Variants in JAKMIP1 observed in about 807,000 individuals in gnomAD.
The protein encoded by JAKMIP1 is janus kinase and microtubule-interacting protein 1.
JAKMIP1 carries 33 observed loss-of-function variants against 113.0 expected under a neutral mutation model. The observed-to-expected ratio is 0.29, with a 90% CI of 0.22 to 0.39. The LOEUF (loss-of-function observed/expected upper bound fraction) is 0.39. Ranked by LOEUF, JAKMIP1 falls within the 10% of genes least tolerant of loss-of-function variation. JAKMIP1 has a pLI of 1.00. For synonymous variants in JAKMIP1, 480 were observed against 459.9 expected (o/e 1.04, Z -0.56); for missense variants, 813 against 1,080.5 (o/e 0.75, Z 3.47).
intron 3 of JAKMIP1, among the ~76,000 whole-genome samples, chr4:6,095,554 T>G (rs1439158595): frequency 6.6e-6 from 1 of 152,192 alleles, no homozygotes; most frequent in Non-Finnish European, 1.5e-5. Context: ...CTGTGTTCAC[T>G]TTCCCAAGTC....
intron 1 of JAKMIP1, among the ~76,000 whole-genome samples, chr4:6,172,830 C>A (rs909712589): frequency 6.6e-6 from 1 of 152,148 alleles, no homozygotes; most frequent in Non-Finnish European, 1.5e-5. Context: ...ACCACAAACA[C>A]TGACTGTGCA....
intron 13 of JAKMIP1, among the ~76,000 whole-genome samples, chr4:6,052,475 G>T (rs1190406668): frequency 1.3e-5 from 2 of 151,776 alleles, no homozygotes; most frequent in East Asian, 3.9e-4. Context: ...GGCGAAACCT[G>T]TGTCTACTAA....
chr4:6,048,698 C>T (rs572054177), intron 16 of JAKMIP1, among the ~76,000 whole-genome samples, 159 bp downstream of exon 16: 3 of 152,364 alleles, frequency 2.0e-5, no homozygotes, highest in East Asian at 1.9e-4. Context: ...TGTGGGACTT[C>T]CGTCATGAAG....
chr4:6,149,774 G>A (rs546197855), intron 1 of JAKMIP1, among the ~76,000 whole-genome samples: 4 of 152,042 alleles, frequency 2.6e-5, no homozygotes, highest in African/African-American at 2.4e-5. Flanking sequence ...CTTTGCTACC[G>A]GGCTGGGGAA....
At chr4:6,131,676 G>C (rs2108937509) in intron 1 of JAKMIP1, among the ~76,000 whole-genome samples, 1 of 152,340 alleles carries the variant, frequency 6.6e-6, no homozygotes, top group South Asian at 2.1e-4. Context: ...GTTACAGTGA[G>C]CCCAGATGGT....
chr4:6,119,566 AC>A (rs66681601), intron 1 of JAKMIP1, among the ~76,000 whole-genome samples: 4 of 119,706 alleles, frequency 3.3e-5, no homozygotes, highest in South Asian at 2.6e-4. Context: ...AACAACAACA[AC>A]AACAAAAAAA....
chr4:6,165,899 G>A (rs775651714), intron 1 of JAKMIP1, among the ~76,000 whole-genome samples: 1 of 152,110 alleles, frequency 6.6e-6, no homozygotes, highest in African/African-American at 2.4e-5. Context: ...AAATGAAAGG[G>A]TCAGCACCTC....
intron 16 of JAKMIP1, among the ~76,000 whole-genome samples, chr4:6,045,031 C>T (rs539822753): frequency 4.6e-5 from 7 of 152,348 alleles, no homozygotes; most frequent in South Asian, 4.1e-4. Context: ...GGCTGCTCTC[C>T]GCGCCCCGCC....
intron 2 of JAKMIP1, among the ~76,000 whole-genome samples, chr4:6,110,311 C>A (rs557293183): frequency 1.4e-4 from 21 of 152,186 alleles, no homozygotes; most frequent in Non-Finnish European, 2.8e-4. Context: ...GAGAAGGCGG[C>A]CGTCTGCAAG....
In JAKMIP1 at chr4:6,138,442, G is replaced by A. The variant is rs138008437; in HGVS notation, c.-147-25445C>T. Among the ~76,000 whole-genome samples the A allele has an allele frequency of 3.3e-3, 500 of 151,622 alleles. 4 individuals are homozygous for A. Among genetic ancestry groups the A allele is most frequent in the African/African-American group, 0.011 (459 of 41,004 alleles). Reference sequence around the variant, plus strand: ...AGTAGAGATGGGGTTTCGCCATGTTGACCAGGCTGGTCTCAAACTCCTGAC... The same window carrying A: ...AGTAGAGATGGGGTTTCGCCATGTTAACCAGGCTGGTCTCAAACTCCTGAC... On this transcript the variant is annotated intron_variant, in intron 1 of 20. Transcript: ENST00000409021. This position sits in a 1 kb window ranked among gnomAD's most constrained non-coding sequence, Gnocchi z 6.0.
intron 3 of JAKMIP1, among the ~76,000 whole-genome samples, chr4:6,102,672 C>T (rs1423960214): frequency 6.7e-6 from 1 of 149,712 alleles, no homozygotes; most frequent in African/African-American, 2.4e-5. Flanking sequence ...TACATCACAA[C>T]CATAGCACCT....
At chr4:6,113,711 G>C (rs73795730) in intron 1 of JAKMIP1, among the ~76,000 whole-genome samples, 64 of 152,300 alleles carry the variant, frequency 4.2e-4, no homozygotes, top group African/African-American at 1.5e-3. Flanking sequence ...AAGCTGCCTC[G>C]GAAAGCCCGC....
chr4:6,099,336 A>C (rs1712614757), intron 3 of JAKMIP1, among the ~76,000 whole-genome samples: 1 of 151,806 alleles, frequency 6.6e-6, no homozygotes, highest in South Asian at 2.1e-4. Flanking sequence ...AGATTTCTTT[A>C]GTCTCTCATT....
chr4:6,078,397 C>A (rs1467767200), intron 8 of JAKMIP1, among the ~76,000 whole-genome samples: 1 of 137,136 alleles, frequency 7.3e-6, no homozygotes, highest in Non-Finnish European at 1.5e-5. Flanking sequence ...TAAAGGCAAA[C>A]TATGCTTTTT....
Position 6,142,495 on chromosome 4 carries a change from A to G in JAKMIP1, c.-147-29498T>C, listed in dbSNP as rs1382168504. ...TCCTACGTACACTCAGCAATATGTA[A>G]CAGTTAAGGGATTTTGCTTTTATTT... On this transcript the variant is annotated intron_variant, in intron 1 of 20. Transcript: ENST00000409021. The surrounding 1 kb of genome is among the most constrained non-coding windows in gnomAD (Gnocchi z 5.5). 2.0e-5 allele frequency among the ~76,000 whole-genome samples: 3 copies of G among 152,244 alleles called. No individual in the cohort carries two copies. The highest frequency in any genetic ancestry group is 7.2e-5 in the African/African-American group (3 of 41,472).
rs1718257778 is a variant in JAKMIP1 at position 6,129,838 on chromosome 4, A to T, written c.-147-16841T>A. On this transcript the variant is annotated intron_variant, in intron 1 of 20. Coordinates refer to ENST00000409021, the MANE Select transcript of JAKMIP1 (RefSeq NM_001099433.2). This position sits in a 1 kb window ranked among gnomAD's most constrained non-coding sequence, Gnocchi z 5.4. Reference sequence around the variant, plus strand: ...CCACCATCACCTGTCACTGTCCCCCAGTCAAAGAATCATCACGTTCACCTC... The same window carrying T: ...CCACCATCACCTGTCACTGTCCCCCTGTCAAAGAATCATCACGTTCACCTC... Among the ~76,000 whole-genome samples, 1 of 152,210 alleles carries T rather than the reference A, an allele frequency of 6.6e-6. No homozygotes were observed. Among genetic ancestry groups the T allele is most frequent in the Non-Finnish European group, 1.5e-5 (1 of 68,046 alleles).
At position 6,187,702 on chromosome 4, in the gene JAKMIP1, C is replaced by A. The variant is rs1726799475; in HGVS notation, c.-148+12551G>T. Among the ~76,000 whole-genome samples the A allele has an allele frequency of 1.3e-5, 2 of 152,230 alleles. No homozygotes were observed. Among genetic ancestry groups the A allele is most frequent in the African/African-American group, 4.8e-5 (2 of 41,468 alleles). On this transcript the variant is annotated intron_variant, in intron 1 of 20. Transcript: ENST00000409021. This position sits in a 1 kb window ranked among gnomAD's most constrained non-coding sequence, Gnocchi z 4.2. ...CTCTAGAACTGTGAGAAATAAATTT[C>A]TATTGTTTATAAGCTATCCAGTCTA...
In JAKMIP1 at chr4:6,059,640, C is replaced by T. The variant is rs1034878059; in HGVS notation, c.1644+784G>A. Among the ~76,000 whole-genome samples, 19 of 152,100 alleles carry T rather than the reference C, an allele frequency of 1.2e-4. No homozygotes were observed. The highest frequency in any genetic ancestry group is 4.3e-4 in the African/African-American group (18 of 41,502). The stretch of plus-strand genomic sequence containing the variant: ...CAAACAGCCAAGCAGAGGAAAAGTT[C>T]GAGATGGGGCAGTTCCAAGATGGTG... On this transcript the variant is annotated intron_variant, in intron 11 of 20. Coordinates refer to ENST00000409021, the MANE Select transcript of JAKMIP1 (RefSeq NM_001099433.2). The surrounding 1 kb of genome is among the most constrained non-coding windows in gnomAD (Gnocchi z 4.8).
chr4:6,101,682 T>A (rs1451101746), intron 3 of JAKMIP1, among the ~76,000 whole-genome samples: 1 of 144,328 alleles, frequency 6.9e-6, no homozygotes, highest in African/African-American at 2.6e-5. Context: ...AGATCAGGAG[T>A]TCGAGACCAA....
Sources: gnomAD v4.1 joint callset for allele counts (sites outside exome capture counted in the v4.1 genomes callset) on GRCh38, gnomAD v4.1.1 for gene constraint, Gnocchi (gnomAD v3.1) non-coding constraint, MANE v1.5 for transcripts, NCBI Gene and HGNC (gene_info 2026-07-23, HGNC 2026-07-21) for gene names.